TAS2R1: variants seen among roughly 807,000 people sequenced by gnomAD.
TAS2R1 encodes taste 2 receptor member 1.
For missense variants in TAS2R1, 370 were observed against 353.4 expected (o/e 1.05, Z -0.38); for synonymous variants, 141 against 134.2 (o/e 1.05, Z -0.35).
chr5:9,640,509 A>AAC (rs1554052285), intron 2 of TAS2R1, among the ~76,000 whole-genome samples: 1 of 150,374 alleles, frequency 6.7e-6, no homozygotes, highest in Non-Finnish European at 1.5e-5. Flanking sequence ...AAAAAAAAAA[A>AAC]AAAAAAAAAA....
chr5:9,885,860 A>C, the TAS2R1 span, among the ~76,000 whole-genome samples: 2 of 152,150 alleles, frequency 1.3e-5, no homozygotes, highest in African/African-American at 4.8e-5. Context: ...TCGCACAGTG[A>C]TCATTTGAAA....
the TAS2R1 span, among the ~76,000 whole-genome samples, chr5:9,727,114 C>T: frequency 6.6e-6 from 1 of 152,188 alleles, no homozygotes. Flanking sequence ...CCACAAAACA[C>T]ATGCTTGGAT....
chr5:9,633,319 T>TATATACAC (rs1475834697), upstream of TAS2R1, among the ~76,000 whole-genome samples: 24 of 137,528 alleles, frequency 1.7e-4, no homozygotes, highest in African/African-American at 7.1e-4. Context: ...TATATATATA[T>TATATACAC]ACACAAATGT....
At chr5:9,849,731 C>T in the TAS2R1 span, among the ~76,000 whole-genome samples, 2 of 152,182 alleles carry the variant, frequency 1.3e-5, no homozygotes, top group African/African-American at 4.8e-5. Flanking sequence ...ACTTAAAGAG[C>T]CTGTAACAAG....
the TAS2R1 span, among the ~76,000 whole-genome samples, chr5:9,843,583 A>T: frequency 6.6e-6 from 1 of 152,264 alleles, no homozygotes; most frequent in Admixed American, 6.5e-5. Flanking sequence ...GTTTAAAACC[A>T]AACAAGTTTA....
At chr5:9,823,176 G>A in the TAS2R1 span, among the ~76,000 whole-genome samples, 1 of 132,966 alleles carries the variant, frequency 7.5e-6, no homozygotes, top group Non-Finnish European at 1.7e-5. Flanking sequence ...ATAATAAAAA[G>A]CAAACCAGTC....
At chr5:9,646,875 C>A (rs1740199179) in intron 2 of TAS2R1, among the ~76,000 whole-genome samples, 2 of 152,186 alleles carry the variant, frequency 1.3e-5, no homozygotes, top group Admixed American at 1.3e-4. Context: ...GCTCTAGAAA[C>A]AGCTGCTGAA....
At chr5:9,822,287 A>G in the TAS2R1 span, among the ~76,000 whole-genome samples, 3 of 150,884 alleles carry the variant, frequency 2.0e-5, no homozygotes, top group South Asian at 2.1e-4. Flanking sequence ...CCCCCCATTT[A>G]TACTTTCTCA....
the TAS2R1 span, among the ~76,000 whole-genome samples, chr5:9,839,018 G>A: frequency 5.3e-5 from 8 of 152,198 alleles, no homozygotes; most frequent in Non-Finnish European, 1.0e-4. Context: ...AAAACATCAC[G>A]TTTTAAAAGT....
chr5:9,855,856 T>C, the TAS2R1 span, among the ~76,000 whole-genome samples: 1 of 152,244 alleles, frequency 6.6e-6, no homozygotes, highest in Non-Finnish European at 1.5e-5. Flanking sequence ...TTTTTGGTTT[T>C]TGTTTTTTGC....
At chr5:9,794,318 A>C in the TAS2R1 span, among the ~76,000 whole-genome samples, 1 of 152,286 alleles carries the variant, frequency 6.6e-6, no homozygotes, top group East Asian at 1.9e-4. Context: ...GAGCTGGGTA[A>C]GTGATTTGAA....
At chr5:9,725,567 C>G in the TAS2R1 span, among the ~76,000 whole-genome samples, 4 of 152,320 alleles carry the variant, frequency 2.6e-5, no homozygotes, top group African/African-American at 9.6e-5. Context: ...GGGCAGGGCT[C>G]GGGACCTGCA....
At chr5:9,663,886 G>A (rs1482932298) in intron 1 of TAS2R1, among the ~76,000 whole-genome samples, 1 of 152,170 alleles carries the variant, frequency 6.6e-6, no homozygotes, top group Non-Finnish European at 1.5e-5. Flanking sequence ...CAGAGGCAGA[G>A]ACTGAAGCAA....
At chr5:9,807,273 T>C in the TAS2R1 span, among the ~76,000 whole-genome samples, 10,096 of 152,090 alleles carry the variant, frequency 0.066, 880 homozygotes, top group East Asian at 0.27. Context: ...CATGGATGTA[T>C]TGAAAAGGGA....
At chr5:9,687,289 C>A (rs778690441) in intron 1 of TAS2R1, among the ~76,000 whole-genome samples, 2 of 152,178 alleles carry the variant, frequency 1.3e-5, no homozygotes, top group African/African-American at 2.4e-5. Flanking sequence ...TATTTATTAT[C>A]CTGTAGTGCT....
intron 2 of TAS2R1, among the ~76,000 whole-genome samples, chr5:9,638,584 A>G (rs1740011929): frequency 1.3e-5 from 2 of 152,154 alleles, no homozygotes; most frequent in Admixed American, 6.5e-5. Context: ...CTTTCAAGAG[A>G]GCACCAGCTG....
At chr5:9,648,520 G>A (rs1740241316) in intron 2 of TAS2R1, among the ~76,000 whole-genome samples, 1 of 151,986 alleles carries the variant, frequency 6.6e-6, no homozygotes, top group Non-Finnish European at 1.5e-5. Context: ...ACATGAGGTA[G>A]TTACCCCAAG....
the TAS2R1 span, among the ~76,000 whole-genome samples, chr5:9,821,833 C>A: frequency 6.6e-6 from 1 of 152,208 alleles, no homozygotes; most frequent in Non-Finnish European, 1.5e-5. Flanking sequence ...CACTTTGGCT[C>A]TTTCTCCGTT....
At chr5:9,660,499 AC>A (rs1187872089) in intron 1 of TAS2R1, among the ~76,000 whole-genome samples, 1 of 152,120 alleles carries the variant, frequency 6.6e-6, no homozygotes, top group Non-Finnish European at 1.5e-5. Context: ...TTGAGCTAAT[AC>A]CTAAAAGATG....
Sources: allele counts gnomAD v4.1 joint callset (sites outside exome capture counted in the v4.1 genomes callset), GRCh38; gene constraint gnomAD v4.1.1; transcripts MANE v1.5; gene names NCBI Gene and HGNC (gene_info 2026-07-23, HGNC 2026-07-21).